Variants in SPAST observed in about 807,000 individuals in gnomAD.
The protein encoded by SPAST is spastin.
SPAST carries 30 observed loss-of-function variants against 76.6 expected under a neutral mutation model. The observed-to-expected ratio is 0.39, with a 90% CI of 0.29 to 0.53. SPAST has a LOEUF of 0.53. Among genes scored for constraint, SPAST ranks in the 20% least tolerant of loss-of-function variants. The probability of loss-of-function intolerance (pLI) is 0.68; values close to 1 mark genes in which losing one functional copy is unlikely to be tolerated. For missense variants in SPAST, 717 were observed against 770.5 expected (o/e 0.93, Z 0.82); for synonymous variants, 305 against 281.0 (o/e 1.09, Z -0.86).
chr2:32,064,881 G>A (rs1054720635), intron 1 of SPAST, among the ~76,000 whole-genome samples: 2 of 152,112 alleles, frequency 1.3e-5, no homozygotes, highest in African/African-American at 4.8e-5. Flanking sequence ...TTCCAAAGTA[G>A]CCTTTAATTT....
chr2:32,107,838 T>G (rs577452779), intron 4 of SPAST, among the ~76,000 whole-genome samples: 1 of 152,254 alleles, frequency 6.6e-6, no homozygotes, highest in African/African-American at 2.4e-5. Flanking sequence ...TCCAAGTAGA[T>G]CACTCAGACC....
rs553820697 is a variant in SPAST at position 32,110,673 on chromosome 2, T to C, written c.683-3965T>C. On this transcript the variant is annotated intron_variant, in intron 4 of 16. Coordinates refer to ENST00000315285, the MANE Select transcript of SPAST (RefSeq NM_014946.4). ...TATATAGTATAGTATATATAGTATA[T>C]ATAGTGTATATATACTGTATATATA... 3.6e-5 allele frequency among the ~76,000 whole-genome samples: 5 copies of C among 138,174 alleles called. No homozygotes were observed. The East Asian group carries it at 1.0e-3, about 28-fold the overall frequency. The allele number at this position is 138,174 out of a possible 152,430, so 90.6% of individuals were successfully genotyped here. A position where few individuals can be genotyped will look rare whatever the true frequency, so the allele number is the denominator to read the frequency against.
intron 15 of SPAST, among the ~76,000 whole-genome samples, 159 bp downstream of exon 15, chr2:32,145,166 A>G (rs1679847284): frequency 6.6e-6 from 1 of 151,942 alleles, no homozygotes; most frequent in Non-Finnish European, 1.5e-5. Context: ...ATCATAGTTC[A>G]CTGCAGCCTC....
Position 32,070,457 on chromosome 2 carries a change from G to A in SPAST, c.415+6211G>A, listed in dbSNP as rs372627857. Among the ~76,000 whole-genome samples, 34 of 152,266 alleles carry A rather than the reference G, an allele frequency of 2.2e-4. No individual in the cohort carries two copies. In the East Asian group the frequency reaches 6.6e-3, roughly 29 times the overall value. On this transcript the variant is annotated intron_variant, in intron 1 of 16. Coordinates refer to ENST00000315285, the MANE Select transcript of SPAST (RefSeq NM_014946.4). ...AAAGAGGAATAGCACAGCAAATTCT[G>A]TTGACTTAATGAGAGGATATGTGAA...
intron 16 of SPAST, among the ~76,000 whole-genome samples, chr2:32,152,380 T>G (rs1215716445): frequency 1.3e-5 from 2 of 152,074 alleles, no homozygotes; most frequent in African/African-American, 4.8e-5. Flanking sequence ...CCAGCCTGGA[T>G]AACATGGTGA....
intron 1 of SPAST, among the ~76,000 whole-genome samples, chr2:32,082,289 G>A (rs936771423): frequency 1.3e-5 from 2 of 151,338 alleles, no homozygotes; most frequent in African/African-American, 4.9e-5. Flanking sequence ...CACCGCACCT[G>A]GCTCTAGTTC....
chr2:32,065,603 C>T (rs1319229688), intron 1 of SPAST, among the ~76,000 whole-genome samples: 4 of 152,176 alleles, frequency 2.6e-5, no homozygotes, highest in Admixed American at 1.3e-4. Flanking sequence ...TTACAATTCT[C>T]CCCTTTTATC....
At chr2:32,074,936 T>C (rs1676894008) in intron 1 of SPAST, among the ~76,000 whole-genome samples, 1 of 152,208 alleles carries the variant, frequency 6.6e-6, no homozygotes, top group Non-Finnish European at 1.5e-5. Context: ...GAGATGTTTT[T>C]TTAAATGCTT....
chr2:32,094,132 G>A (rs1029101460), intron 3 of SPAST, among the ~76,000 whole-genome samples: 11 of 152,044 alleles, frequency 7.2e-5, no homozygotes, highest in Admixed American at 4.6e-4. Flanking sequence ...ATTAATACAC[G>A]TTTGTACACA....
At chr2:32,088,439 G>C (rs538935732) in intron 2 of SPAST, among the ~76,000 whole-genome samples, 1 of 152,288 alleles carries the variant, frequency 6.6e-6, no homozygotes, top group African/African-American at 2.4e-5. Flanking sequence ...GGGATCAGGA[G>C]TTCGAGACCA....
chr2:32,119,196 G>C (rs1040974763), intron 7 of SPAST, among the ~76,000 whole-genome samples: 9 of 152,084 alleles, frequency 5.9e-5, no homozygotes, highest in African/African-American at 1.9e-4. Context: ...TTGTAGTTCA[G>C]ATTTCCAAGA....
intron 9 of SPAST, chr2:32,130,421 C>T (rs13006495): frequency 0.28 from 41,879 of 151,984 alleles, 6,169 homozygotes; most frequent in East Asian, 0.55. Flanking sequence ...TTTGTTGCAC[C>T]GAAATCCAGA....
chr2:32,101,838 C>CT (rs570860114), intron 4 of SPAST, among the ~76,000 whole-genome samples: 2 of 152,150 alleles, frequency 1.3e-5, no homozygotes, highest in South Asian at 4.1e-4. Flanking sequence ...GTCTATATCT[C>CT]TGTTTTGGTA....
chr2:32,135,136 G>GTGTA (rs1053857232), intron 9 of SPAST, among the ~76,000 whole-genome samples: 2 of 151,816 alleles, frequency 1.3e-5, no homozygotes, highest in African/African-American at 4.8e-5. Flanking sequence ...GTGTGTGTGT[G>GTGTA]TGTGTGTGTG....
At chr2:32,119,539 T>C (rs1678948730) in intron 7 of SPAST, among the ~76,000 whole-genome samples, 2 of 152,330 alleles carry the variant, frequency 1.3e-5, no homozygotes, top group South Asian at 4.1e-4. Context: ...TCAGAATTAC[T>C]TAAAATAAGT....
chr2:32,109,036 A>G (rs555682192), intron 4 of SPAST, among the ~76,000 whole-genome samples: 1 of 151,916 alleles, frequency 6.6e-6, no homozygotes, highest in East Asian at 1.9e-4. Context: ...TGCTGGCATT[A>G]CAGGCCTGAG....
chr2:32,081,997 TTCTC>T (rs1396025256), intron 1 of SPAST, among the ~76,000 whole-genome samples: 56 of 145,500 alleles, frequency 3.8e-4, no homozygotes, highest in African/African-American at 1.2e-3. Flanking sequence ...TTTTTTCTAG[TTCTC>T]TCTCTTTTTT....
At chr2:32,082,765 G>A (rs191122554) in intron 1 of SPAST, among the ~76,000 whole-genome samples, 95 of 152,158 alleles carry the variant, frequency 6.2e-4, no homozygotes, top group African/African-American at 2.2e-3. Flanking sequence ...ATGGAAGCAT[G>A]TAGTATGTAG....
At chr2:32,122,051 C>G (rs1287578237) in intron 7 of SPAST, among the ~76,000 whole-genome samples, 1 of 152,166 alleles carries the variant, frequency 6.6e-6, no homozygotes, top group Non-Finnish European at 1.5e-5. Flanking sequence ...TTGATTAGGA[C>G]TCTGTGCTGT....
Sources: allele counts gnomAD v4.1 joint callset (sites outside exome capture counted in the v4.1 genomes callset), GRCh38; gene constraint gnomAD v4.1.1; transcripts MANE v1.5; gene names NCBI Gene and HGNC (gene_info 2026-07-23, HGNC 2026-07-21).